Variants in ADGRL3 observed in about 807,000 individuals in gnomAD.
ADGRL3 encodes the protein adhesion G protein-coupled receptor L3.
ADGRL3 carries 62 observed loss-of-function variants against 153.5 expected under a neutral mutation model. That is an observed-to-expected ratio of 0.40 (90% CI 0.33 to 0.50). ADGRL3 has a LOEUF of 0.50. Ranked by LOEUF, ADGRL3 falls within the 20% of genes least tolerant of loss-of-function variation. The pLI, the probability that ADGRL3 is intolerant of heterozygous loss-of-function variation, is 0.47. For synonymous variants in ADGRL3, 710 were observed against 672.5 expected (o/e 1.06, Z -0.86); for missense variants, 1,641 against 1,859.4 (o/e 0.88, Z 2.16).
rs149040411 is a variant in ADGRL3, at chr4:61,853,426, G to C, written c.1481-39230G>C. ...CAGATTGTCCCTTCGCAAACCATCA[G>C]TAAGCTTTCACAGTTGTTTGCTGTT... On this transcript the variant is annotated intron_variant, in intron 9 of 26. Transcript: ENST00000683033. Among the ~76,000 whole-genome samples, 362 of 152,258 alleles carry C rather than the reference G, an allele frequency of 2.4e-3. 2 individuals carry two copies. The highest frequency in any genetic ancestry group is 8.2e-3 in the African/African-American group (341 of 41,550).
chr4:61,689,715 T>C (rs922058682), intron 6 of ADGRL3, among the ~76,000 whole-genome samples: 2 of 152,192 alleles, frequency 1.3e-5, no homozygotes, highest in African/African-American at 4.8e-5. Flanking sequence ...AATTTCAGTA[T>C]TCAAAATGAT....
intron 5 of ADGRL3, among the ~76,000 whole-genome samples, chr4:61,601,571 T>C (rs2099011779): frequency 6.6e-6 from 1 of 152,178 alleles, no homozygotes; most frequent in African/African-American, 2.4e-5. Context: ...ATAACCATGA[T>C]TGGAAATAAA....
intron 1 of ADGRL3, among the ~76,000 whole-genome samples, chr4:61,376,511 T>C (rs1250565364): frequency 6.6e-6 from 1 of 152,090 alleles, no homozygotes; most frequent in East Asian, 1.9e-4. Context: ...GTTACAGACA[T>C]GGGCTGCTGA....
At chr4:61,903,224 A>G (rs2098674677) in intron 11 of ADGRL3, among the ~76,000 whole-genome samples, 1 of 152,142 alleles carries the variant, frequency 6.6e-6, no homozygotes, top group African/African-American at 2.4e-5. Flanking sequence ...TCCCCTCAAT[A>G]GCACCCATTA....
At chr4:61,994,006 C>T (rs1161859697) in intron 19 of ADGRL3, among the ~76,000 whole-genome samples, 3 of 152,132 alleles carry the variant, frequency 2.0e-5, no homozygotes. Context: ...ATTGTGTTTA[C>T]TTTGAATAAA....
chr4:61,272,373 T>TA (rs2093236168), intron 1 of ADGRL3, among the ~76,000 whole-genome samples: 1 of 152,064 alleles, frequency 6.6e-6, no homozygotes, highest in Non-Finnish European at 1.5e-5. Flanking sequence ...AGTAATATCT[T>TA]ACTTTTTTCA....
At chr4:61,336,333 G>C (rs907589972) in intron 1 of ADGRL3, among the ~76,000 whole-genome samples, 2 of 152,080 alleles carry the variant, frequency 1.3e-5, no homozygotes, top group African/African-American at 4.8e-5. Context: ...AAGCGATTTG[G>C]ACCTGAGGAA....
intron 2 of ADGRL3, among the ~76,000 whole-genome samples, chr4:61,454,667 G>A (rs1298682899): frequency 2.6e-5 from 4 of 151,908 alleles, no homozygotes; most frequent in Non-Finnish European, 5.9e-5. Context: ...ATGTGGATAT[G>A]TACATAAATA....
At chr4:61,690,099 A>C (rs1444525396) in intron 6 of ADGRL3, among the ~76,000 whole-genome samples, 1 of 152,162 alleles carries the variant, frequency 6.6e-6, no homozygotes, top group Admixed American at 6.6e-5. Flanking sequence ...TTTTTAAAGA[A>C]GTTTGAAATG....
chr4:61,331,932 G>A (rs1000286739), intron 1 of ADGRL3, among the ~76,000 whole-genome samples: 3 of 151,936 alleles, frequency 2.0e-5, no homozygotes, highest in African/African-American at 7.3e-5. Context: ...GAGAGAAATG[G>A]GTATAGTCAG....
chr4:61,621,764 A>C (rs2092533312), intron 5 of ADGRL3, among the ~76,000 whole-genome samples: 1 of 152,076 alleles, frequency 6.6e-6, no homozygotes, highest in Non-Finnish European at 1.5e-5. Context: ...AAACAAGGAC[A>C]TTTTAGTGTT....
chr4:61,439,595 C>T (rs1412794981), intron 2 of ADGRL3, among the ~76,000 whole-genome samples: 1 of 152,040 alleles, frequency 6.6e-6, no homozygotes, highest in Admixed American at 6.6e-5. Flanking sequence ...CTAATGTTAT[C>T]CCTCCCCTAG....
intron 1 of ADGRL3, among the ~76,000 whole-genome samples, chr4:61,348,372 T>G (rs1208727659): frequency 6.6e-6 from 1 of 152,032 alleles, no homozygotes; most frequent in Non-Finnish European, 1.5e-5. Flanking sequence ...AATCACAGTG[T>G]GCTTTTTTAA....
At position 61,892,590 on chromosome 4, in the gene ADGRL3, C is replaced by T. The variant is rs965117447; in HGVS notation, c.1481-66C>T. On this transcript the variant is annotated intron_variant, in intron 9 of 26. Transcript: ENST00000683033. ...TCAAATAAAAACAATTTCTAAAGTA[C>T]TAGGACATCTTGAGGTCCTCCTGTG... 8 of 1,116,660 alleles carry T rather than the reference C, an allele frequency of 7.2e-6. No homozygotes were observed. In the East Asian group the frequency reaches 1.6e-4, roughly 23 times the overall value. 69.2% of individuals were successfully genotyped at this position (1,116,660 alleles called of 1,614,324 possible).
At chr4:61,569,846 A>T (rs1045931222) in intron 4 of ADGRL3, among the ~76,000 whole-genome samples, 3 of 152,168 alleles carry the variant, frequency 2.0e-5, no homozygotes, top group Non-Finnish European at 2.9e-5. Context: ...CTTATGTGGC[A>T]CTTAGCACTT....
chr4:61,643,792 T>C (rs1230783082), intron 5 of ADGRL3, among the ~76,000 whole-genome samples: 1 of 145,762 alleles, frequency 6.9e-6, no homozygotes, highest in Admixed American at 7.0e-5. Context: ...ATCAGGATGA[T>C]GCTGGCCTCA....
At chr4:61,578,997 T>C (rs1362497859) in intron 4 of ADGRL3, among the ~76,000 whole-genome samples, 1 of 152,086 alleles carries the variant, frequency 6.6e-6, no homozygotes. Flanking sequence ...CTGGTCTTGT[T>C]AATCATGAGT....
At chr4:61,523,257 G>T (rs552766871) in intron 4 of ADGRL3, among the ~76,000 whole-genome samples, 1 of 152,218 alleles carries the variant, frequency 6.6e-6, no homozygotes, top group Admixed American at 6.5e-5. Context: ...GAAGTATGAA[G>T]ATGAAAGATA....
intron 5 of ADGRL3, among the ~76,000 whole-genome samples, chr4:61,628,105 C>T (rs1032915484): frequency 6.6e-6 from 1 of 152,032 alleles, no homozygotes; most frequent in Non-Finnish European, 1.5e-5. Context: ...ACTTACATAA[C>T]ATGGTTATGT....
Sources: allele counts gnomAD v4.1 joint callset (sites outside exome capture counted in the v4.1 genomes callset), GRCh38; gene constraint gnomAD v4.1.1; transcripts MANE v1.5; gene names NCBI Gene and HGNC (gene_info 2026-07-23, HGNC 2026-07-21).